The following NUBPL variants were observed in gnomAD, a reference collection of about 807,000 sequenced individuals.
The protein encoded by NUBPL is iron-sulfur cluster transfer protein NUBPL.
Under a neutral mutation model 45.7 loss-of-function variants are expected in NUBPL, and 31 were observed. That is an observed-to-expected ratio of 0.68 (90% CI 0.51 to 0.92). The LOEUF (loss-of-function observed/expected upper bound fraction) is 0.92. Ranked by LOEUF, NUBPL falls within the 40% of genes least tolerant of loss-of-function variation. The probability of loss-of-function intolerance (pLI) is 0.00; values close to 1 mark genes in which losing one functional copy is unlikely to be tolerated. For synonymous variants in NUBPL, 144 were observed against 140.9 expected, an observed-to-expected ratio of 1.02 and a Z score of -0.15; for missense variants, 401 against 398.7, an observed-to-expected ratio of 1.01 and a Z score of -0.05.
intron 3 of NUBPL, among the ~76,000 whole-genome samples, chr14:31,581,304 C>T (rs1286014316): frequency 2.7e-5 from 4 of 146,074 alleles, no homozygotes; most frequent in Non-Finnish European, 4.5e-5. Context: ...AGTACATTAA[C>T]GTTGTGTAAC....
chr14:31,713,452 G>A (rs115113154), intron 6 of NUBPL, among the ~76,000 whole-genome samples: 201 of 152,076 alleles, frequency 1.3e-3, no homozygotes, highest in African/African-American at 4.5e-3. Flanking sequence ...CAGCTCCTTC[G>A]TATCTTTCCC....
chr14:31,636,534 T>C (rs1296623997), intron 4 of NUBPL, among the ~76,000 whole-genome samples: 2 of 152,202 alleles, frequency 1.3e-5, no homozygotes, highest in African/African-American at 2.4e-5. Flanking sequence ...TCATCAAGGA[T>C]ATTGGTCTAA....
chr14:31,654,035 G>A lies in NUBPL; in HGVS notation c.383-19320G>A, dbSNP rs532816620. On this transcript the variant is annotated intron_variant, in intron 4 of 10. Coordinates refer to ENST00000281081, the MANE Select transcript of NUBPL (RefSeq NM_025152.3). ...ATGTCTGTTTTTCTTTGCTACTATA[G>A]CACTAACACCAAACTTCATACTTGG... 1,148 of 447,572 alleles carry A rather than the reference G, an allele frequency of 2.6e-3. 2 individuals are homozygous for A. Among genetic ancestry groups the A allele is most frequent in the Non-Finnish European group, 4.5e-3 (987 of 221,450 alleles). The allele number at this position is 447,572 out of a possible 1,614,324, so 27.7% of individuals were successfully genotyped here.
chr14:31,656,052 C>T (rs766489970), intron 4 of NUBPL, among the ~76,000 whole-genome samples: 46 of 152,220 alleles, frequency 3.0e-4, no homozygotes, highest in Non-Finnish European at 1.6e-4. Context: ...TACATCAGCA[C>T]TTGCTTCTTC....
Position 31,859,198 on chromosome 14 carries a change from A to C in NUBPL, c.*18A>C. On this transcript the variant is annotated 3_prime_UTR_variant, in exon 11 of 11. Transcript: ENST00000281081. ...CAGAATGATTCCCCAAGTGTCCTGGAAATTTGCCTGGTACTGACATTAAGA... is the reference window on the plus strand; with the variant it reads ...CAGAATGATTCCCCAAGTGTCCTGGCAATTTGCCTGGTACTGACATTAAGA... The C allele has an allele frequency of 1.9e-6, 3 of 1,610,030 alleles. No individual in the cohort carries two copies. The highest frequency in any genetic ancestry group is 2.6e-6 in the Non-Finnish European group (3 of 1,176,394).
At chr14:31,810,610 C>T (rs1022985191) in intron 7 of NUBPL, among the ~76,000 whole-genome samples, 1 of 152,090 alleles carries the variant, frequency 6.6e-6, no homozygotes, top group African/African-American at 2.4e-5. Context: ...GCATTTAGCC[C>T]ATTTACATTT....
intron 4 of NUBPL, among the ~76,000 whole-genome samples, chr14:31,627,444 G>A (rs528212085): frequency 6.6e-6 from 1 of 152,152 alleles, no homozygotes; most frequent in African/African-American, 2.4e-5. Context: ...ATATAGTGCA[G>A]TGGTTCTAAG....
chr14:31,766,634 A>T (rs370513632), intron 6 of NUBPL, among the ~76,000 whole-genome samples: 1 of 152,214 alleles, frequency 6.6e-6, no homozygotes, highest in Non-Finnish European at 1.5e-5. Context: ...ATCGCCATTG[A>T]CTTATCAGCC....
At chr14:31,850,979 G>A (rs937112175) in intron 10 of NUBPL, among the ~76,000 whole-genome samples, 2 of 152,104 alleles carry the variant, frequency 1.3e-5, no homozygotes, top group African/African-American at 4.8e-5. Flanking sequence ...AAGGTGAGGT[G>A]AAAAGACTAG....
chr14:31,694,941 T>C (rs1012288283), intron 6 of NUBPL, among the ~76,000 whole-genome samples: 12 of 152,230 alleles, frequency 7.9e-5, no homozygotes, highest in Admixed American at 2.0e-4. Context: ...CAGATCTACT[T>C]TTGACTTGTA....
intron 6 of NUBPL, among the ~76,000 whole-genome samples, chr14:31,787,191 C>G (rs776034654): frequency 2.6e-5 from 4 of 152,036 alleles, no homozygotes; most frequent in Non-Finnish European, 4.4e-5. Flanking sequence ...ACCTGAGGTA[C>G]CCTTGAGACC....
chr14:31,609,547 G>A (rs1229453250), intron 4 of NUBPL, among the ~76,000 whole-genome samples: 1 of 152,062 alleles, frequency 6.6e-6, no homozygotes, highest in East Asian at 1.9e-4. Context: ...AGAAACATCA[G>A]ACTTTATCTG....
chr14:31,754,206 A>C (rs1398590222), intron 6 of NUBPL, among the ~76,000 whole-genome samples: 1 of 152,194 alleles, frequency 6.6e-6, no homozygotes, highest in Non-Finnish European at 1.5e-5. Flanking sequence ...AGAATGAGTA[A>C]TAGAATTATT....
intron 4 of NUBPL, among the ~76,000 whole-genome samples, chr14:31,630,239 T>C (rs770352672): frequency 6.6e-6 from 1 of 152,202 alleles, no homozygotes; most frequent in African/African-American, 2.4e-5. Flanking sequence ...AAAATCCTGA[T>C]TGTAACCTGT....
intron 6 of NUBPL, among the ~76,000 whole-genome samples, chr14:31,709,370 A>G (rs1190102892): frequency 6.6e-6 from 1 of 152,218 alleles, no homozygotes; most frequent in African/African-American, 2.4e-5. Flanking sequence ...TAGTCCTTCT[A>G]GAACACAGGT....
At chr14:31,643,522 T>C (rs1184965243) in intron 4 of NUBPL, among the ~76,000 whole-genome samples, 3 of 142,150 alleles carry the variant, frequency 2.1e-5, no homozygotes, top group African/African-American at 3.1e-5. Context: ...GTGAATGATA[T>C]TTTTAATGTG....
chr14:31,570,046 G>A (rs1187991791), intron 3 of NUBPL, among the ~76,000 whole-genome samples: 1 of 152,098 alleles, frequency 6.6e-6, no homozygotes, highest in Non-Finnish European at 1.5e-5. Flanking sequence ...GTTCATTTCA[G>A]TTCATTTTAG....
At chr14:31,586,865 T>G (rs111272918) in intron 3 of NUBPL, among the ~76,000 whole-genome samples, 6 of 152,090 alleles carry the variant, frequency 3.9e-5, no homozygotes, top group Admixed American at 2.0e-4. Context: ...GTTTGGGTAA[T>G]GAATGAAAAA....
intron 4 of NUBPL, among the ~76,000 whole-genome samples, chr14:31,623,433 G>A (rs1230195526): frequency 2.6e-5 from 4 of 152,168 alleles, no homozygotes; most frequent in South Asian, 2.1e-4. Flanking sequence ...TAAGATTTGG[G>A]TGGGGCTGGG....
Sources: gnomAD v4.1 joint callset for allele counts (sites outside exome capture counted in the v4.1 genomes callset) on GRCh38, gnomAD v4.1.1 for gene constraint, MANE v1.5 for transcripts, NCBI Gene and HGNC (gene_info 2026-07-23, HGNC 2026-07-21) for gene names.